CR1: variants seen among roughly 807,000 people sequenced by gnomAD.
CR1 encodes complement C3b/C4b receptor 1 (Knops blood group), also known as complement receptor type 1.
A neutral mutation model predicts 187.3 loss-of-function variants in CR1; 116 were observed. The observed-to-expected ratio is 0.62, with a 90% CI of 0.53 to 0.72. CR1 has a LOEUF of 0.72. Among genes scored for constraint, CR1 ranks in the 30% least tolerant of loss-of-function variants. The pLI, the probability that CR1 is intolerant of heterozygous loss-of-function variation, is 0.00. For synonymous variants in CR1, 576 were observed against 747.1 expected (o/e 0.77, Z 3.73); for missense variants, 1,731 against 2,110.7 (o/e 0.82, Z 3.52).
chr1:207,584,900 C>T, intron 33 of CR1, 24 bp downstream of exon 33: 1 of 1,613,210 alleles, frequency 6.2e-7, no homozygotes, highest in Non-Finnish European at 8.5e-7. Flanking sequence ...TCCACATATC[C>T]TAAATGGGTT....
At chr1:207,631,929 T>C (rs1662656970) in intron 46 of CR1, among the ~76,000 whole-genome samples, 1 of 152,194 alleles carries the variant, frequency 6.6e-6, no homozygotes, top group Non-Finnish European at 1.5e-5. Flanking sequence ...TTAATCTAAA[T>C]TTGGCATGTT....
Position 207,515,185 on chromosome 1 carries a change from ACG to A in CR1, c.487+3532_487+3533del, listed in dbSNP as rs1376606506. On this transcript the variant is annotated intron_variant, in intron 4 of 46. Coordinates refer to ENST00000367049, the MANE Select transcript of CR1 (RefSeq NM_000651.6). ...TACATATATAGGTATATACATATATACGTATATATACATATACATATATAGGT... is the reference window on the plus strand; with the variant it reads ...TACATATATAGGTATATACATATATATATATATACATATACATATATAGGT... 4.8e-5 allele frequency among the ~76,000 whole-genome samples: 4 copies of A among 83,628 alleles called. 1 individual carries two copies. Among genetic ancestry groups the A allele is most frequent in the African/African-American group, 2.4e-4 (4 of 16,806 alleles). 54.9% of individuals were successfully genotyped at this position (83,628 alleles called of 152,430 possible).
chr1:207,640,954 G>GA lies in CR1; in HGVS notation c.*1552dup, dbSNP rs890257190. 22 of 152,072 alleles carry GA rather than the reference G, an allele frequency of 1.4e-4. No homozygotes were observed. Among genetic ancestry groups the GA allele is most frequent in the Non-Finnish European group, 2.4e-4 (16 of 67,976 alleles). 9.4% of individuals were successfully genotyped at this position (152,072 alleles called of 1,614,324 possible). ...AGAAAAATCAACTGATAAACTGCAA[G>GA]AAAAAAATGCAACTTACATCACAAA... On this transcript the variant is annotated 3_prime_UTR_variant, in exon 47 of 47. Coordinates refer to ENST00000367049, the MANE Select transcript of CR1 (RefSeq NM_000651.6).
intron 35 of CR1, among the ~76,000 whole-genome samples, chr1:207,596,765 A>G (rs1432771437): frequency 1.3e-5 from 2 of 148,584 alleles, no homozygotes; most frequent in Non-Finnish European, 3.0e-5. Context: ...TACAAAGCAC[A>G]GGGGGAAGGT....
intron 46 of CR1, 92 bp from the exon 47 acceptor site, chr1:207,639,305 A>T: frequency 8.2e-7 from 1 of 1,217,828 alleles, no homozygotes. Flanking sequence ...AATAAAGTTT[A>T]GAAAATATCC....
chr1:207,603,133 G>A (rs1224218687), intron 35 of CR1, among the ~76,000 whole-genome samples: 1 of 151,982 alleles, frequency 6.6e-6, no homozygotes, highest in East Asian at 1.9e-4. Context: ...GTCTGTAAAT[G>A]TCATGAGACC....
chr1:207,600,352 T>C (rs1661570364), intron 35 of CR1, among the ~76,000 whole-genome samples: 1 of 152,134 alleles, frequency 6.6e-6, no homozygotes, highest in South Asian at 2.1e-4. Flanking sequence ...TAATCACATG[T>C]TGAGGAATAA....
At chr1:207,626,396 A>T (rs547570904) in intron 45 of CR1, among the ~76,000 whole-genome samples, 1 of 152,324 alleles carries the variant, frequency 6.6e-6, no homozygotes, top group Admixed American at 6.5e-5. Context: ...GGTGTGGCCA[A>T]TAAGCTAAGT....
At chr1:207,496,420 G>T in intron 1 of CR1, 32 bp downstream of exon 1, 1 of 1,577,816 alleles carries the variant, frequency 6.3e-7, no homozygotes, top group Non-Finnish European at 8.6e-7. Flanking sequence ...GGAGGCGCCC[G>T]GGCGGACGAG....
intron 40 of CR1, among the ~76,000 whole-genome samples, chr1:207,614,896 A>G (rs987654706): frequency 3.9e-5 from 6 of 152,050 alleles, no homozygotes; most frequent in African/African-American, 9.7e-5. Flanking sequence ...TGCAGCCTCA[A>G]CCTCCTGGGC....
rs1182031602 is a variant in CR1, at chr1:207,609,395, G to C, written c.6002G>C (p.Gly2001Ala). ...GTVVTYQCHT[G>A]PDGEQLFELV... Reference sequence around the variant, plus strand: ...GTGGTAACTTACCAGTGCCACACTGGACCAGATGGAGAACAGCTGTTTGAG... The same window carrying C: ...GTGGTAACTTACCAGTGCCACACTGCACCAGATGGAGAACAGCTGTTTGAG... The change falls in exon 37 of 47, where the codon GGA becomes GCA. Residue 2001 changes from glycine (G) to alanine (A), a missense_variant. Gly to Ala is a moderately conservative substitution (Grantham distance 60, BLOSUM62 0). This residue lies in a region of CR1 where 1,312 missense variants were observed against 1,379.6 expected (regional missense o/e 0.95). Transcript: ENST00000367049. 1.2e-5 allele frequency: 19 copies of C among 1,613,832 alleles called. No individual in the cohort carries two copies. Among genetic ancestry groups the C allele is most frequent in the Non-Finnish European group, 1.6e-5 (19 of 1,179,880 alleles).
chr1:207,506,516 G>T (rs1297489537), intron 2 of CR1, among the ~76,000 whole-genome samples, 198 bp from the exon 3 acceptor site: 1 of 152,230 alleles, frequency 6.6e-6, no homozygotes, highest in African/African-American at 2.4e-5. Flanking sequence ...GGATGAAACA[G>T]ATCTGAAAGG....
At chr1:207,524,098 G>T (rs767842535) in intron 5 of CR1, 89 bp downstream of exon 5, 7 of 1,610,742 alleles carry the variant, frequency 4.3e-6, no homozygotes, top group Middle Eastern at 2.3e-4. Flanking sequence ...GGGGAGGGAT[G>T]TGTGCTGAGC....
intron 34 of CR1, 118 bp from the exon 35 acceptor site, chr1:207,588,557 T>C (rs1235928316): frequency 1.0e-5 from 7 of 692,012 alleles, no homozygotes; most frequent in Non-Finnish European, 1.8e-5. Flanking sequence ...CTCAAAGCAG[T>C]CAATTCCATG....
At chr1:207,592,745 AG>A (rs1256507934) in intron 35 of CR1, among the ~76,000 whole-genome samples, 5 of 152,224 alleles carry the variant, frequency 3.3e-5, no homozygotes, top group African/African-American at 7.2e-5. Context: ...ACTTCAGCAA[AG>A]TCTCAGGATA....
chr1:207,587,634 C>T (rs1661152361), intron 34 of CR1, 69 bp downstream of exon 34: 2 of 1,481,680 alleles, frequency 1.3e-6, no homozygotes, highest in African/African-American at 1.4e-5. Context: ...CTTGGTGGCT[C>T]ACGCCTGTAA....
In CR1 at chr1:207,641,525, A is replaced by C. The variant is rs555030432; in HGVS notation, c.*2116A>C. ...ATATACTAACTATGAGTAAAATACT[A>C]TATTGCCTAACTTGTATTATTAAGC... On this transcript the variant is annotated 3_prime_UTR_variant, in exon 47 of 47. Coordinates refer to ENST00000367049, the MANE Select transcript of CR1 (RefSeq NM_000651.6). 3 of 152,218 alleles carry C rather than the reference A, an allele frequency of 2.0e-5. No homozygotes were observed. The highest frequency in any genetic ancestry group is 4.4e-5 in the Non-Finnish European group (3 of 68,046). 9.4% of individuals were successfully genotyped at this position (152,218 alleles called of 1,614,324 possible).
At chr1:207,623,121 G>A (rs1662364029) in intron 45 of CR1, 53 bp downstream of exon 45, 2 of 1,289,400 alleles carry the variant, frequency 1.6e-6, no homozygotes, top group Non-Finnish European at 2.2e-6. Context: ...ACCCCCTCTT[G>A]GAAGTCAAAA....
chr1:207,524,115 G>C (rs1203025022), intron 5 of CR1, 106 bp downstream of exon 5: 8 of 1,597,134 alleles, frequency 5.0e-6, no homozygotes, highest in Non-Finnish European at 6.8e-6. Context: ...GAGCAGGGTC[G>C]AGGAGCAAAT....
Sources: gnomAD v4.1 joint callset for allele counts (sites outside exome capture counted in the v4.1 genomes callset) on GRCh38, gnomAD v4.1.1 for gene constraint, gnomAD v4.1.1 regional missense constraint, MANE v1.5 for transcripts, NCBI Gene and HGNC (gene_info 2026-07-23, HGNC 2026-07-21) for gene names.